Variants in CNOT10 observed in about 807,000 individuals in gnomAD.
CNOT10 encodes the protein CCR4-NOT transcription complex subunit 10, also known as CCR4-NOT transcription complex, subunit 10.
In CNOT10, 30 loss-of-function variants were observed where a neutral mutation model predicts 94.6. That is an observed-to-expected ratio of 0.32 (90% CI 0.24 to 0.43). CNOT10 has a LOEUF of 0.43. CNOT10 is among the 20% of genes least tolerant of loss of function. The pLI is 1.00. For missense variants in CNOT10, 759 were observed against 877.2 expected (o/e 0.87, Z 1.70); for synonymous variants, 289 against 301.6 (o/e 0.96, Z 0.43).
chr3:32,719,798 G>A (rs1326752635), intron 7 of CNOT10, among the ~76,000 whole-genome samples: 1 of 152,156 alleles, frequency 6.6e-6, no homozygotes, highest in African/African-American at 2.4e-5. Context: ...AGATTGTGTT[G>A]TCAAATTGGT....
chr3:32,750,195 C>G (rs1022929264), intron 13 of CNOT10, among the ~76,000 whole-genome samples: 2 of 151,926 alleles, frequency 1.3e-5, no homozygotes, highest in African/African-American at 4.8e-5. Flanking sequence ...GAGCTAGACA[C>G]TGTGTCAAAA....
chr3:32,720,870 T>A (rs1698351695), intron 8 of CNOT10, among the ~76,000 whole-genome samples: 1 of 121,932 alleles, frequency 8.2e-6, no homozygotes, highest in Non-Finnish European at 1.6e-5. Context: ...CCTTCCCTCC[T>A]TCCTTCTTTC....
At chr3:32,772,808 G>A (rs775382821) in intron 18 of CNOT10, among the ~76,000 whole-genome samples, 1 of 152,110 alleles carries the variant, frequency 6.6e-6, no homozygotes, top group African/African-American at 2.4e-5. Flanking sequence ...GGCACCCAGC[G>A]GGCCTTAGCC....
At chr3:32,741,723 C>T (rs1278570545) in intron 13 of CNOT10, among the ~76,000 whole-genome samples, 12 of 149,884 alleles carry the variant, frequency 8.0e-5, no homozygotes, top group Middle Eastern at 3.4e-3. Context: ...GAGCCGAAAT[C>T]GTGCCACTGC....
intron 12 of CNOT10, 133 bp from the exon 13 acceptor site, chr3:32,737,277 T>C: frequency 1.7e-6 from 1 of 586,722 alleles, no homozygotes; most frequent in Admixed American, 3.2e-5. Context: ...ATCGTGCAAT[T>C]GCACTCCATC....
intron 8 of CNOT10, among the ~76,000 whole-genome samples, chr3:32,724,214 C>T (rs920148888): frequency 6.7e-6 from 1 of 149,432 alleles, no homozygotes; most frequent in African/African-American, 2.5e-5. Flanking sequence ...TGGAGACTTA[C>T]AGTTTAATAG....
intron 8 of CNOT10, among the ~76,000 whole-genome samples, chr3:32,724,558 G>A (rs561527704): frequency 8.6e-5 from 13 of 151,926 alleles, no homozygotes; most frequent in East Asian, 5.8e-4. Flanking sequence ...GACTACACGC[G>A]CCCGCCACCA....
chr3:32,696,315 CAA>C (rs372144615), intron 1 of CNOT10, among the ~76,000 whole-genome samples: 3 of 132,460 alleles, frequency 2.3e-5, no homozygotes, highest in African/African-American at 2.8e-5. Flanking sequence ...GACTCCGTCT[CAA>C]AAAAAAAAAA....
intron 10 of CNOT10, among the ~76,000 whole-genome samples, chr3:32,729,962 G>A (rs1698865287): frequency 6.6e-6 from 1 of 150,856 alleles, no homozygotes; most frequent in African/African-American, 2.4e-5. Flanking sequence ...TAGAGACGGG[G>A]TTTCACCGTT....
At chr3:32,751,302 C>T (rs1290766677) in intron 13 of CNOT10, among the ~76,000 whole-genome samples, 2 of 151,910 alleles carry the variant, frequency 1.3e-5, no homozygotes, top group Non-Finnish European at 2.9e-5. Flanking sequence ...GACAGAGTCT[C>T]ACTGTATCGC....
chr3:32,744,014 T>C (rs2125597513), intron 13 of CNOT10, among the ~76,000 whole-genome samples: 1 of 151,922 alleles, frequency 6.6e-6, no homozygotes, highest in South Asian at 2.1e-4. Context: ...AGCCTTAGGG[T>C]AGATTTATAA....
chr3:32,736,098 G>GTTTA lies in CNOT10; in HGVS notation c.1514+1125_1514+1126insATTT, dbSNP rs1699175226. Among the ~76,000 whole-genome samples, 14 of 151,040 alleles carry GTTTA rather than the reference G, an allele frequency of 9.3e-5. No individual in the cohort carries two copies. In the South Asian group the frequency reaches 2.9e-3, roughly 32 times the overall value. ...TGTTTTGTTTTTTGTTTGTTTGTTT[G>GTTTA]TTTTTGAGACAGAGTCTCCCTCTGT... On this transcript the variant is annotated intron_variant, in intron 12 of 18. Coordinates refer to ENST00000328834, the MANE Select transcript of CNOT10 (RefSeq NM_015442.3).
chr3:32,736,239 A>G (rs1039081148), intron 12 of CNOT10, among the ~76,000 whole-genome samples: 4 of 151,844 alleles, frequency 2.6e-5, no homozygotes, highest in Non-Finnish European at 5.9e-5. Flanking sequence ...GCCCAGCGCC[A>G]CTATGCCCGG....
chr3:32,694,152 T>A (rs202023830), intron 1 of CNOT10, among the ~76,000 whole-genome samples: 14 of 141,282 alleles, frequency 9.9e-5, no homozygotes, highest in Non-Finnish European at 1.9e-4. Context: ...TTTTTTTTTT[T>A]AATTTAAAAA....
chr3:32,740,933 T>C (rs1699435924), intron 13 of CNOT10, among the ~76,000 whole-genome samples: 1 of 151,856 alleles, frequency 6.6e-6, no homozygotes, highest in Admixed American at 6.6e-5. Context: ...CTCAAACTTC[T>C]GGCCTCAAGC....
At chr3:32,733,007 G>A (rs1699026137) in intron 10 of CNOT10, among the ~76,000 whole-genome samples, 1 of 152,124 alleles carries the variant, frequency 6.6e-6, no homozygotes, top group African/African-American at 2.4e-5. Flanking sequence ...AATTAAGAAG[G>A]AAATGATCTG....
At chr3:32,770,156 G>A (rs760260300) in intron 18 of CNOT10, among the ~76,000 whole-genome samples, 194 bp downstream of exon 18, 2 of 151,536 alleles carry the variant, frequency 1.3e-5, no homozygotes, top group Non-Finnish European at 2.9e-5. Context: ...ACAGGTGCAC[G>A]CCACTGAGCC....
intron 14 of CNOT10, among the ~76,000 whole-genome samples, chr3:32,762,421 C>T (rs1481549824): frequency 1.3e-5 from 2 of 151,834 alleles, no homozygotes; most frequent in Non-Finnish European, 2.9e-5. Flanking sequence ...AGGTGTATGC[C>T]ACCACGCCCA....
chr3:32,750,070 T>G (rs1475959612), intron 13 of CNOT10, among the ~76,000 whole-genome samples: 1 of 151,888 alleles, frequency 6.6e-6, no homozygotes, highest in Non-Finnish European at 1.5e-5. Context: ...TTTAGTCTGG[T>G]CATGATAGCG....
Sources: allele counts gnomAD v4.1 joint callset (sites outside exome capture counted in the v4.1 genomes callset), GRCh38; gene constraint gnomAD v4.1.1; transcripts MANE v1.5; gene names NCBI Gene and HGNC (gene_info 2026-07-23, HGNC 2026-07-21).